Variants in XPO1 observed in about 807,000 individuals in gnomAD.
XPO1 encodes exportin 1.
Under a neutral mutation model 133.3 loss-of-function variants are expected in XPO1, and 5 were observed. The observed-to-expected ratio is 0.04, with a 90% confidence interval of 0.02 to 0.08. The LOEUF (loss-of-function observed/expected upper bound fraction) is 0.08. Ranked by LOEUF, XPO1 falls within the 10% of genes least tolerant of loss-of-function variation. XPO1 has a pLI of 1.00. For synonymous variants in XPO1, 419 were observed against 408.2 expected, an observed-to-expected ratio of 1.03 and a Z score of -0.32; for missense variants, 506 against 1,267.5, an observed-to-expected ratio of 0.40 and a Z score of 9.12.
intron 4 of XPO1, among the ~76,000 whole-genome samples, chr2:61,505,031 G>A (rs370411992): frequency 6.6e-6 from 1 of 152,204 alleles, no homozygotes; most frequent in East Asian, 1.9e-4. Context: ...TTGTTTTAGA[G>A]GCAGGGTCTT....
intron 18 of XPO1, 26 bp downstream of exon 18, chr2:61,488,562 T>C (rs780032830): frequency 1.1e-5 from 18 of 1,605,568 alleles, no homozygotes; most frequent in East Asian, 2.2e-5. Context: ...TTATACTGCA[T>C]TGTGTAAGAA....
chr2:61,521,321 G>T (rs1698678713), intron 4 of XPO1, among the ~76,000 whole-genome samples: 1 of 152,166 alleles, frequency 6.6e-6, no homozygotes, highest in Non-Finnish European at 1.5e-5. Context: ...ATAAGAGAAT[G>T]CAGGTGAAGG....
intron 4 of XPO1, among the ~76,000 whole-genome samples, chr2:61,519,697 T>C (rs1698588882): frequency 2.0e-4 from 4 of 19,848 alleles, no homozygotes; most frequent in South Asian, 2.8e-3. Flanking sequence ...AGACTCCGTC[T>C]CAAAAAAAAA....
At chr2:61,503,494 G>A (rs1316067216) in intron 4 of XPO1, among the ~76,000 whole-genome samples, 2 of 151,520 alleles carry the variant, frequency 1.3e-5, no homozygotes, top group African/African-American at 4.9e-5. Flanking sequence ...GCGCGATCTC[G>A]CCTCACTGCA....
chr2:61,516,791 A>G (rs1698412848), intron 4 of XPO1, among the ~76,000 whole-genome samples: 1 of 152,244 alleles, frequency 6.6e-6, no homozygotes. Flanking sequence ...CCCTTGGTTT[A>G]AATAAAAAGT....
At position 61,533,066 on chromosome 2, in the gene XPO1, C is replaced by G. The variant is rs558344050; in HGVS notation, c.126+706G>C. Among the ~76,000 whole-genome samples, 7 of 152,118 alleles carry G rather than the reference C, an allele frequency of 4.6e-5. No individual in the cohort carries two copies. The South Asian group carries it at 1.5e-3, about 32-fold the overall frequency. ...TGGTGGCGTGTGCCTGTAATCCCAG[C>G]TACCAGGGAGGCTGAGGCAAGACAA... On this transcript the variant is annotated intron_variant, in intron 2 of 24. Coordinates refer to ENST00000401558, the MANE Select transcript of XPO1 (RefSeq NM_003400.4).
intron 4 of XPO1, among the ~76,000 whole-genome samples, chr2:61,502,965 CTTTTTT>C (rs201077547): frequency 0.18 from 24,529 of 138,298 alleles, 2,498 homozygotes; most frequent in African/African-American, 0.3. Flanking sequence ...TGTTTCTTTT[CTTTTTT>C]TTTTTTTTTT....
chr2:61,484,163 G>A (rs1348429933), intron 20 of XPO1, 58 bp from the exon 21 acceptor site: 2 of 1,455,596 alleles, frequency 1.4e-6, no homozygotes, highest in East Asian at 4.6e-5. Context: ...TGCTAGACAG[G>A]AGGGGAAAAG....
chr2:61,525,803 T>C (rs959508053), intron 3 of XPO1: 19 of 1,036,370 alleles, frequency 1.8e-5, no homozygotes, highest in Non-Finnish European at 2.1e-5. Flanking sequence ...TTTAACACAA[T>C]GTATATCAAG....
intron 4 of XPO1, among the ~76,000 whole-genome samples, chr2:61,519,768 G>A (rs1698600589): frequency 1.4e-5 from 2 of 142,256 alleles, no homozygotes; most frequent in African/African-American, 2.7e-5. Context: ...CCTAAAAGCA[G>A]ATAAAACAAA....
chr2:61,515,422 A>T (rs192502694), intron 4 of XPO1, among the ~76,000 whole-genome samples: 2 of 152,178 alleles, frequency 1.3e-5, no homozygotes, highest in Non-Finnish European at 1.5e-5. Context: ...GACACAGAAA[A>T]GTAGGTGTTA....
chr2:61,494,539 C>T (rs1697145383), intron 11 of XPO1: 1 of 160,652 alleles, frequency 6.2e-6, no homozygotes, highest in Non-Finnish European at 1.3e-5. Context: ...AGAAACCAGA[C>T]ACAAAAGGTC....
chr2:61,520,271 G>A (rs944607970), intron 4 of XPO1, among the ~76,000 whole-genome samples: 8 of 152,100 alleles, frequency 5.3e-5, no homozygotes, highest in African/African-American at 1.9e-4. Context: ...TAAAGATGAA[G>A]GAAAATTAAT....
intron 9 of XPO1, among the ~76,000 whole-genome samples, 175 bp downstream of exon 9, chr2:61,498,498 T>G (rs897915458): frequency 6.6e-6 from 1 of 152,214 alleles, no homozygotes; most frequent in Non-Finnish European, 1.5e-5. Context: ...GAATCAGATT[T>G]GAAACTCACT....
intron 4 of XPO1, among the ~76,000 whole-genome samples, chr2:61,518,903 T>C (rs546343073): frequency 1.3e-5 from 2 of 152,244 alleles, no homozygotes; most frequent in Non-Finnish European, 2.9e-5. Context: ...GCTATAAAAA[T>C]ATCTTTTGGA....
intron 2 of XPO1, 40 bp from the exon 3 acceptor site, chr2:61,526,561 A>G (rs1698911236): frequency 1.4e-6 from 2 of 1,424,898 alleles, no homozygotes; most frequent in Non-Finnish European, 1.9e-6. Flanking sequence ...AAGCTAATGT[A>G]TTCTTTTGAA....
intron 3 of XPO1, among the ~76,000 whole-genome samples, chr2:61,523,802 G>C (rs1698797763): frequency 1.3e-5 from 2 of 152,128 alleles, no homozygotes; most frequent in Non-Finnish European, 1.5e-5. Context: ...CTCAAACAGT[G>C]AATGTTTTTG....
chr2:61,537,005 C>G (rs3771258), intron 1 of XPO1: 1 of 151,830 alleles, frequency 6.6e-6, no homozygotes, highest in African/African-American at 2.4e-5. Context: ...CCCTGAAAAA[C>G]TGATCTTTCC....
chr2:61,522,374 A>G (rs1698736513), intron 4 of XPO1, among the ~76,000 whole-genome samples: 1 of 152,244 alleles, frequency 6.6e-6, no homozygotes, highest in East Asian at 1.9e-4. Context: ...TTTAACTAGA[A>G]TATTTATTGT....
Sources: allele counts gnomAD v4.1 joint callset (sites outside exome capture counted in the v4.1 genomes callset), GRCh38; gene constraint gnomAD v4.1.1; transcripts MANE v1.5; gene names NCBI Gene and HGNC (gene_info 2026-07-23, HGNC 2026-07-21).